CBFB: variants seen among roughly 807,000 people sequenced by gnomAD.
The protein encoded by CBFB is CBF-beta.
In CBFB, 9 loss-of-function variants were observed where a neutral mutation model predicts 30.4. The observed-to-expected ratio is 0.30, with a 90% CI of 0.18 to 0.52. The LOEUF (loss-of-function observed/expected upper bound fraction) is 0.52, where lower values mean the gene tolerates loss of function less well. CBFB is among the 20% of genes least tolerant of loss of function. The pLI is 0.97. For synonymous variants in CBFB, 94 were observed against 84.0 expected, an observed-to-expected ratio of 1.12 and a Z score of -0.65; for missense variants, 170 against 244.0, an observed-to-expected ratio of 0.70 and a Z score of 2.02.
At chr16:67,092,240 G>C (rs1308529428) in intron 5 of CBFB, among the ~76,000 whole-genome samples, 3 of 152,140 alleles carry the variant, frequency 2.0e-5, no homozygotes, top group South Asian at 2.1e-4. Context: ...CTTCATCCAT[G>C]TCCCTGCAAA....
chr16:67,071,921 A>C (rs1314335974), intron 4 of CBFB, among the ~76,000 whole-genome samples: 2 of 152,182 alleles, frequency 1.3e-5, no homozygotes, highest in Admixed American at 6.5e-5. Context: ...CTGGGCTGGA[A>C]TAGGCCCCAT....
At chr16:67,045,659 T>C (rs1966612800) in intron 3 of CBFB, among the ~76,000 whole-genome samples, 1 of 152,234 alleles carries the variant, frequency 6.6e-6, no homozygotes, top group Admixed American at 6.5e-5. Flanking sequence ...TGGATTGCAT[T>C]ATTTCCATTT....
chr16:67,076,906 GT>G (rs375257136), intron 4 of CBFB, among the ~76,000 whole-genome samples: 92 of 146,640 alleles, frequency 6.3e-4, no homozygotes, highest in African/African-American at 1.4e-3. Flanking sequence ...CATGAGATTA[GT>G]TTTTTTTTTT....
intron 3 of CBFB, among the ~76,000 whole-genome samples, chr16:67,058,437 G>A (rs1340441923): frequency 6.6e-6 from 1 of 152,102 alleles, no homozygotes; most frequent in South Asian, 2.1e-4. Context: ...CACCACGCCC[G>A]ACCAACAGTT....
At chr16:67,082,175 A>C (rs755093639) in intron 4 of CBFB, 38 bp from the exon 5 acceptor site, 14 of 1,452,524 alleles carry the variant, frequency 9.6e-6, no homozygotes, top group Admixed American at 2.4e-5. Flanking sequence ...TTTTTTTATA[A>C]ATCAAAATTA....
rs760230354 is a variant in CBFB, at chr16:67,036,728, T to C, written c.255T>C (p.Tyr85=). The C allele has an allele frequency of 3.1e-6, 5 of 1,611,826 alleles. No individual in the cohort carries two copies. The highest frequency in any genetic ancestry group is 2.2e-5 in the East Asian group (1 of 44,860). The stretch of plus-strand genomic sequence containing the variant: ...AGCGACAAACACCTAGCCGAGAGTA[T>C]GTCGACTTAGAAAGAGAAGCAGGCA... ...GEQRQTPSRE[Y]VDLEREAGKV... The change falls in exon 3 of 6, where the codon TAT becomes TAC. Residue 85 remains tyrosine, a synonymous_variant. Coordinates refer to ENST00000412916, the MANE Select transcript of CBFB (RefSeq NM_022845.3).
intron 3 of CBFB, among the ~76,000 whole-genome samples, chr16:67,051,976 T>C (rs1960566734): frequency 6.6e-6 from 1 of 151,722 alleles, no homozygotes; most frequent in Admixed American, 6.6e-5. Context: ...GGAATATATA[T>C]ATATATTTTG....
chr16:67,096,806 C>G (rs2145788653), intron 5 of CBFB, among the ~76,000 whole-genome samples: 1 of 151,550 alleles, frequency 6.6e-6, no homozygotes, highest in Admixed American at 6.6e-5. Flanking sequence ...AACCCCATCT[C>G]TACTAAAAAT....
chr16:67,074,701 AG>A (rs985177484), intron 4 of CBFB, among the ~76,000 whole-genome samples: 2 of 152,160 alleles, frequency 1.3e-5, no homozygotes, highest in African/African-American at 4.8e-5. Flanking sequence ...AGCTTTTTAA[AG>A]GAAAATGAGA....
intron 2 of CBFB, among the ~76,000 whole-genome samples, chr16:67,033,927 C>G (rs1966400353): frequency 6.8e-6 from 1 of 147,434 alleles, no homozygotes; most frequent in African/African-American, 2.5e-5. Context: ...CTCCTGGGTT[C>G]ACACGATTCT....
intron 3 of CBFB, among the ~76,000 whole-genome samples, chr16:67,046,210 G>A (rs1299055915): frequency 6.6e-6 from 1 of 151,802 alleles, no homozygotes; most frequent in East Asian, 1.9e-4. Flanking sequence ...GGGCTCAAGC[G>A]ATCCTCCCAC....
intron 5 of CBFB, chr16:67,093,387 T>G (rs1156533401): frequency 6.7e-6 from 1 of 149,048 alleles, no homozygotes; most frequent in Non-Finnish European, 1.5e-5. Flanking sequence ...TTTTTTTTTT[T>G]TTTTTTTGAG....
At chr16:67,069,138 C>G (rs545513029) in intron 4 of CBFB, among the ~76,000 whole-genome samples, 1 of 151,674 alleles carries the variant, frequency 6.6e-6, no homozygotes, top group Non-Finnish European at 1.5e-5. Flanking sequence ...CACTTGAACC[C>G]GGGAGGTGGA....
At chr16:67,050,176 A>G (rs1446395266) in intron 3 of CBFB, among the ~76,000 whole-genome samples, 2 of 148,090 alleles carry the variant, frequency 1.4e-5, no homozygotes, top group Non-Finnish European at 3.0e-5. Flanking sequence ...TCATATATAA[A>G]TTATATGTGA....
chr16:67,035,246 G>A (rs1966424358), intron 2 of CBFB, among the ~76,000 whole-genome samples: 1 of 152,022 alleles, frequency 6.6e-6, no homozygotes, highest in African/African-American at 2.4e-5. Flanking sequence ...ACCATGCCCA[G>A]CTAATTTTTT....
At chr16:67,093,092 C>T (rs1003679354) in intron 5 of CBFB, among the ~76,000 whole-genome samples, 3 of 152,048 alleles carry the variant, frequency 2.0e-5, no homozygotes, top group Non-Finnish European at 4.4e-5. Context: ...ATTCCAGCCA[C>T]GTGCTACCAT....
chr16:67,097,653 A>G (rs536383565), intron 5 of CBFB, among the ~76,000 whole-genome samples: 4 of 152,290 alleles, frequency 2.6e-5, no homozygotes, highest in African/African-American at 9.6e-5. Context: ...ATAAAGTGCT[A>G]CATTTTTCAG....
At chr16:67,030,975 T>TA (rs1331400771) in intron 2 of CBFB, among the ~76,000 whole-genome samples, 5 of 152,190 alleles carry the variant, frequency 3.3e-5, no homozygotes, top group Admixed American at 2.6e-4. Flanking sequence ...ACTGCATTGT[T>TA]AGAGGCTTGA....
intron 4 of CBFB, among the ~76,000 whole-genome samples, chr16:67,074,648 T>C (rs1014414607): frequency 2.0e-5 from 3 of 152,112 alleles, no homozygotes; most frequent in Non-Finnish European, 4.4e-5. Context: ...CCCAAAGTGC[T>C]GGGATTACAG....
Sources: allele counts gnomAD v4.1 joint callset (sites outside exome capture counted in the v4.1 genomes callset), GRCh38; gene constraint gnomAD v4.1.1; transcripts MANE v1.5; gene names NCBI Gene and HGNC (gene_info 2026-07-23, HGNC 2026-07-21).